TNR: variants seen among roughly 807,000 people sequenced by gnomAD.
TNR encodes tenascin-R.
TNR carries 45 observed loss-of-function variants against 150.4 expected under a neutral mutation model. The ratio of observed to expected loss-of-function variants is 0.30; its 90% confidence interval spans 0.24 to 0.38. The LOEUF is 0.38. TNR is among the 10% of genes least tolerant of loss of function. The pLI is 1.00. For synonymous variants in TNR, 687 were observed against 678.4 expected (o/e 1.01, Z -0.20); for missense variants, 1,544 against 1,759.1 (o/e 0.88, Z 2.19).
At chr1:175,401,374 T>G (rs1161816283) in intron 4 of TNR, among the ~76,000 whole-genome samples, 1 of 152,106 alleles carries the variant, frequency 6.6e-6, no homozygotes, top group Non-Finnish European at 1.5e-5. Context: ...TCATGGAGCC[T>G]CATCCCCTGG....
chr1:175,486,868 T>C (rs1261681958), intron 2 of TNR, among the ~76,000 whole-genome samples: 2 of 152,384 alleles, frequency 1.3e-5, no homozygotes, highest in East Asian at 3.9e-4. Context: ...ATTTCTCTAA[T>C]GACCAGTGAT....
intron 1 of TNR, among the ~76,000 whole-genome samples, chr1:175,741,728 G>T (rs1667936281): frequency 6.6e-6 from 1 of 152,172 alleles, no homozygotes; most frequent in Non-Finnish European, 1.5e-5. Flanking sequence ...ACTCAGAACT[G>T]TGTCTCTCAC....
At chr1:175,741,727 T>C (rs1667936231) in intron 1 of TNR, among the ~76,000 whole-genome samples, 1 of 152,190 alleles carries the variant, frequency 6.6e-6, no homozygotes, top group East Asian at 1.9e-4. Context: ...CACTCAGAAC[T>C]GTGTCTCTCA....
intron 2 of TNR, among the ~76,000 whole-genome samples, chr1:175,499,012 G>C (rs1009182164): frequency 2.0e-5 from 3 of 152,128 alleles, no homozygotes; most frequent in East Asian, 1.9e-4. Flanking sequence ...AACAAGAGAG[G>C]CAACATTAAC....
chr1:175,700,710 A>C (rs530977852), intron 1 of TNR, among the ~76,000 whole-genome samples: 1 of 152,284 alleles, frequency 6.6e-6, no homozygotes, highest in South Asian at 2.1e-4. Flanking sequence ...GTGACCACGG[A>C]GGTAGAATCA....
At chr1:175,462,374 T>C (rs944039082) in intron 2 of TNR, among the ~76,000 whole-genome samples, 2 of 152,224 alleles carry the variant, frequency 1.3e-5, no homozygotes, top group Non-Finnish European at 2.9e-5. Context: ...TCAGGCTTCT[T>C]GTGTGTACCG....
chr1:175,618,365 T>C (rs935244641), intron 1 of TNR, among the ~76,000 whole-genome samples: 13 of 152,194 alleles, frequency 8.5e-5, no homozygotes, highest in African/African-American at 2.9e-4. Context: ...CAGAGAAACC[T>C]AGAATACAAA....
At chr1:175,404,237 G>A (rs1653849929) in intron 3 of TNR, among the ~76,000 whole-genome samples, 1 of 152,180 alleles carries the variant, frequency 6.6e-6, no homozygotes, top group African/African-American at 2.4e-5. Flanking sequence ...AGGGACCTAA[G>A]GAGGTATAGG....
chr1:175,628,526 T>TA (rs57639805), intron 1 of TNR, among the ~76,000 whole-genome samples: 54 of 147,976 alleles, frequency 3.6e-4, no homozygotes, highest in South Asian at 4.3e-4. Flanking sequence ...ATAATAAAAT[T>TA]AAAAAAAAAA....
rs36055169 is a variant in TNR at position 175,376,879 on chromosome 1, T to TATACAC, written c.1963+2672_1963+2673insGTGTAT. Among the ~76,000 whole-genome samples, 371 of 146,540 alleles carry TATACAC rather than the reference T, an allele frequency of 2.5e-3. 4 individuals are homozygous for TATACAC. The highest frequency in any genetic ancestry group is 0.011 in the South Asian group (50 of 4,694). The stretch of plus-strand genomic sequence containing the variant: ...GTAATATTATATATATATATATATA[T>TATACAC]ACACATATATTTGAAATGTTTTAAA... On this transcript the variant is annotated intron_variant, in intron 9 of 22. Transcript: ENST00000367674.
At chr1:175,673,863 C>T (rs1176304856) in intron 1 of TNR, among the ~76,000 whole-genome samples, 2 of 152,170 alleles carry the variant, frequency 1.3e-5, no homozygotes, top group Non-Finnish European at 2.9e-5. Flanking sequence ...AAAGATGCAC[C>T]CAAAGAACAA....
chr1:175,610,893 T>C (rs1224509028), intron 1 of TNR, among the ~76,000 whole-genome samples: 1 of 152,240 alleles, frequency 6.6e-6, no homozygotes, highest in Non-Finnish European at 1.5e-5. Flanking sequence ...GAATACATTC[T>C]GTAGGGCCTA....
chr1:175,732,199 C>T (rs1047667854), intron 1 of TNR, among the ~76,000 whole-genome samples: 1 of 152,216 alleles, frequency 6.6e-6, no homozygotes, highest in African/African-American at 2.4e-5. Flanking sequence ...CTTCCATATT[C>T]CTGCCCAGCT....
chr1:175,712,855 T>A (rs1667055527), intron 1 of TNR, among the ~76,000 whole-genome samples: 1 of 152,128 alleles, frequency 6.6e-6, no homozygotes, highest in South Asian at 2.1e-4. Context: ...CAATTAAATC[T>A]CTTTTCTTTA....
intron 1 of TNR, among the ~76,000 whole-genome samples, chr1:175,542,711 A>G (rs1028111750): frequency 6.6e-6 from 1 of 152,218 alleles, no homozygotes; most frequent in African/African-American, 2.4e-5. Flanking sequence ...AACCACTTCT[A>G]CATGGCATTG....
chr1:175,483,767 C>G (rs1370474804), intron 2 of TNR, among the ~76,000 whole-genome samples: 1 of 152,194 alleles, frequency 6.6e-6, no homozygotes, highest in Non-Finnish European at 1.5e-5. Flanking sequence ...GGGAACTACA[C>G]GTTTGAGTTG....
intron 1 of TNR, among the ~76,000 whole-genome samples, chr1:175,566,350 T>C (rs1558009633): frequency 6.6e-6 from 1 of 152,250 alleles, no homozygotes; most frequent in African/African-American, 2.4e-5. Context: ...ACATGTTAAG[T>C]ATGATGGACG....
chr1:175,486,590 G>A (rs1269991940), intron 2 of TNR, among the ~76,000 whole-genome samples: 3 of 152,316 alleles, frequency 2.0e-5, no homozygotes, highest in Admixed American at 6.5e-5. Flanking sequence ...ACATACACAT[G>A]TATGTGTCTT....
intron 1 of TNR, among the ~76,000 whole-genome samples, chr1:175,668,318 G>A (rs1435757647): frequency 3.3e-5 from 5 of 152,310 alleles, no homozygotes; most frequent in East Asian, 3.9e-4. Context: ...CAGTTTGAGT[G>A]GTCAGGTGGC....
Sources: allele counts gnomAD v4.1 joint callset (sites outside exome capture counted in the v4.1 genomes callset), GRCh38; gene constraint gnomAD v4.1.1; transcripts MANE v1.5; gene names NCBI Gene and HGNC (gene_info 2026-07-23, HGNC 2026-07-21).